SV2C: variants seen among roughly 807,000 people sequenced by gnomAD.
The protein encoded by SV2C is synaptic vesicle glycoprotein 2C.
Under a neutral mutation model 79.7 loss-of-function variants are expected in SV2C, and 49 were observed. That is an observed-to-expected ratio of 0.61 (90% CI 0.49 to 0.78). The LOEUF (loss-of-function observed/expected upper bound fraction) is 0.78. SV2C is among the 30% of genes least tolerant of loss of function. SV2C has a pLI of 0.00. For missense variants in SV2C, 833 were observed against 912.9 expected (o/e 0.91, Z 1.13); for synonymous variants, 334 against 333.2 (o/e 1.00, Z -0.03).
chr5:75,865,612 TC>T, the SV2C span, among the ~76,000 whole-genome samples: 1 of 152,142 alleles, frequency 6.6e-6, no homozygotes, highest in African/African-American at 2.4e-5. Flanking sequence ...GAGAATACAT[TC>T]AGATTTCTAG....
chr5:75,917,638 G>A, the SV2C span, among the ~76,000 whole-genome samples: 1 of 152,154 alleles, frequency 6.6e-6, no homozygotes, highest in African/African-American at 2.4e-5. Flanking sequence ...CATTGACATA[G>A]AGAGTTGAAG....
At chr5:76,183,537 C>T (rs1023691497) in intron 2 of SV2C, among the ~76,000 whole-genome samples, 2 of 152,154 alleles carry the variant, frequency 1.3e-5, no homozygotes, top group African/African-American at 4.8e-5. Flanking sequence ...CATCTTTCCT[C>T]CTTGCAGTTT....
intron 12 of SV2C, among the ~76,000 whole-genome samples, chr5:76,325,148 A>G (rs1748948841): frequency 1.3e-5 from 2 of 152,210 alleles, no homozygotes. Flanking sequence ...GTAAGAGTCA[A>G]TGGAAGCTAT....
intron 4 of SV2C, among the ~76,000 whole-genome samples, chr5:76,284,862 A>T (rs2358712): frequency 2.6e-5 from 4 of 152,034 alleles, no homozygotes; most frequent in Non-Finnish European, 5.9e-5. Context: ...GATAACTAGC[A>T]CAGTGGTCTA....
At chr5:76,224,765 G>T (rs1259178214) in intron 4 of SV2C, among the ~76,000 whole-genome samples, 4 of 152,122 alleles carry the variant, frequency 2.6e-5, no homozygotes, top group African/African-American at 7.2e-5. Flanking sequence ...TGCCCAGGTT[G>T]TTAAGGTAAA....
the SV2C span, among the ~76,000 whole-genome samples, chr5:76,060,606 C>T: frequency 6.6e-6 from 1 of 152,180 alleles, no homozygotes; most frequent in Admixed American, 6.6e-5. Context: ...CCAGACTGGG[C>T]TTTGTCTTAA....
the SV2C span, among the ~76,000 whole-genome samples, chr5:76,051,801 GATCCA>G: frequency 5.3e-5 from 8 of 151,940 alleles, no homozygotes; most frequent in Non-Finnish European, 1.2e-4. Flanking sequence ...TCTTTCAATT[GATCCA>G]TGATTGTATG....
chr5:76,287,217 A>G (rs1747386537), intron 6 of SV2C, among the ~76,000 whole-genome samples: 1 of 152,230 alleles, frequency 6.6e-6, no homozygotes, highest in Non-Finnish European at 1.5e-5. Flanking sequence ...TAACACTTTT[A>G]CATAAAGGCA....
At chr5:76,053,567 C>T in the SV2C span, among the ~76,000 whole-genome samples, 2 of 152,120 alleles carry the variant, frequency 1.3e-5, no homozygotes, top group Non-Finnish European at 2.9e-5. Context: ...ACTATGATGG[C>T]TTTCTCCTTT....
Position 76,300,847 on chromosome 5 carries a change from C to T in SV2C, c.1755C>T (p.Val585=), listed in dbSNP as rs539685110. The T allele has an allele frequency of 8.2e-5, 133 of 1,614,128 alleles. No individual in the cohort carries two copies. Among genetic ancestry groups the T allele is most frequent in the South Asian group, 6.6e-4 (60 of 91,088 alleles). ...DDYSAYWIYF[V]NFLGTLAVLP... is the part of the protein sequence containing the mutation. ...ATAGTGCCTACTGGATTTATTTTGT[C>T]AACTTTCTGGGGACATTGGCAGTAT... is the stretch of plus-strand genomic sequence containing the variant. Residue 585 remains valine (V), a synonymous_variant, in exon 11 of 13, where the codon GTC becomes GTT. Transcript: ENST00000502798.
the SV2C span, among the ~76,000 whole-genome samples, chr5:75,908,599 G>A: frequency 2.6e-5 from 4 of 152,176 alleles, no homozygotes; most frequent in East Asian, 7.7e-4. Flanking sequence ...GGTAGGAAGG[G>A]GAGAGACGTC....
At chr5:76,306,223 A>G (rs56289240) in intron 12 of SV2C, among the ~76,000 whole-genome samples, 2,747 of 151,302 alleles carry the variant, frequency 0.018, 77 homozygotes, top group African/African-American at 0.063. Context: ...AATTTATTTT[A>G]TTTTTTTTTA....
At chr5:75,990,913 A>G in the SV2C span, among the ~76,000 whole-genome samples, 1 of 151,984 alleles carries the variant, frequency 6.6e-6, no homozygotes, top group Non-Finnish European at 1.5e-5. Flanking sequence ...TGATATGAGA[A>G]GGGCAGATTT....
At chr5:76,053,661 G>C in the SV2C span, among the ~76,000 whole-genome samples, 1 of 152,046 alleles carries the variant, frequency 6.6e-6, no homozygotes, top group Non-Finnish European at 1.5e-5. Flanking sequence ...TTTTTGTTTG[G>C]ATTGGTTTGG....
At chr5:76,292,533 C>CT (rs1747602167) in intron 8 of SV2C, among the ~76,000 whole-genome samples, 1 of 152,100 alleles carries the variant, frequency 6.6e-6, no homozygotes, top group African/African-American at 2.4e-5. Context: ...CCAAGCTATT[C>CT]TGGAAGCTGA....
chr5:76,113,783 T>C (rs193256758), intron 1 of SV2C, among the ~76,000 whole-genome samples: 14 of 152,282 alleles, frequency 9.2e-5, no homozygotes, highest in Non-Finnish European at 1.9e-4. Flanking sequence ...TGAATTAGTT[T>C]AGCAACTCTC....
At chr5:76,019,933 C>CA in the SV2C span, among the ~76,000 whole-genome samples, 3 of 152,250 alleles carry the variant, frequency 2.0e-5, no homozygotes, top group Non-Finnish European at 4.4e-5. Context: ...GAGTGATACT[C>CA]ACACTTGGCA....
At chr5:76,064,653 G>A in the SV2C span, among the ~76,000 whole-genome samples, 17 of 152,058 alleles carry the variant, frequency 1.1e-4, no homozygotes, top group Admixed American at 2.6e-4. Flanking sequence ...TACCAAGGAA[G>A]GGCCCCATCG....
chr5:75,958,558 T>C, the SV2C span, among the ~76,000 whole-genome samples: 1 of 152,014 alleles, frequency 6.6e-6, no homozygotes, highest in East Asian at 1.9e-4. Context: ...CATTCTTGCA[T>C]CCTTCGCCCT....
Sources: allele counts gnomAD v4.1 joint callset (sites outside exome capture counted in the v4.1 genomes callset), GRCh38; gene constraint gnomAD v4.1.1; transcripts MANE v1.5; gene names NCBI Gene and HGNC (gene_info 2026-07-23, HGNC 2026-07-21).